TBC1D2B: variants seen among roughly 807,000 people sequenced by gnomAD.
TBC1D2B encodes the protein TBC1 domain family, member 2B.
In TBC1D2B, 64 loss-of-function variants were observed where a neutral mutation model predicts 100.8. That is an observed-to-expected ratio of 0.64 (90% CI 0.52 to 0.78). The LOEUF (loss-of-function observed/expected upper bound fraction) is 0.78, where lower values mean the gene tolerates loss of function less well. TBC1D2B is among the 30% of genes least tolerant of loss of function. TBC1D2B has a pLI of 0.00. For synonymous variants in TBC1D2B, 480 were observed against 479.7 expected (o/e 1.00, Z -0.01); for missense variants, 1,052 against 1,218.4 (o/e 0.86, Z 2.03).
intron 1 of TBC1D2B, among the ~76,000 whole-genome samples, chr15:78,070,317 G>A (rs1056330668): frequency 6.6e-6 from 1 of 151,880 alleles, no homozygotes; most frequent in Non-Finnish European, 1.5e-5. Flanking sequence ...GCTTCTTCAG[G>A]AAAGTCTTTC....
intron 3 of TBC1D2B, among the ~76,000 whole-genome samples, chr15:78,035,663 T>C (rs890644135): frequency 2.6e-5 from 4 of 152,236 alleles, no homozygotes; most frequent in African/African-American, 7.2e-5. Context: ...GCTGACTCAG[T>C]ATTTCCTCCT....
At chr15:78,038,133 T>A (rs2072992229) in intron 3 of TBC1D2B, among the ~76,000 whole-genome samples, 4 of 152,164 alleles carry the variant, frequency 2.6e-5, no homozygotes, top group Non-Finnish European at 5.9e-5. Flanking sequence ...GTCTGGAGCC[T>A]TCCCTCATCA....
chr15:78,019,587 T>A (rs1018895420), intron 6 of TBC1D2B, among the ~76,000 whole-genome samples: 5 of 152,022 alleles, frequency 3.3e-5, no homozygotes, highest in Non-Finnish European at 5.9e-5. Context: ...AGCTTTTTTT[T>A]TTTTAAAGAA....
At chr15:78,068,451 A>G (rs2073696657) in intron 1 of TBC1D2B, among the ~76,000 whole-genome samples, 1 of 151,814 alleles carries the variant, frequency 6.6e-6, no homozygotes, top group South Asian at 2.1e-4. Flanking sequence ...GCATGCATTT[A>G]GCCAACAAGC....
At chr15:78,046,037 T>C (rs932358609) in intron 2 of TBC1D2B, among the ~76,000 whole-genome samples, 1 of 152,184 alleles carries the variant, frequency 6.6e-6, no homozygotes, top group Non-Finnish European at 1.5e-5. Context: ...GTTCAAGCGA[T>C]TCTTCTGCCT....
At chr15:78,000,786 C>T (rs12442614) in intron 12 of TBC1D2B, among the ~76,000 whole-genome samples, 150,844 of 152,300 alleles carry the variant, frequency 0.99, 74,719 homozygotes, top group East Asian at 1. Context: ...GGAGGGTTCC[C>T]GAACACCTGG....
At chr15:78,046,156 T>C (rs1032245956) in intron 2 of TBC1D2B, among the ~76,000 whole-genome samples, 1 of 152,186 alleles carries the variant, frequency 6.6e-6, no homozygotes, top group Non-Finnish European at 1.5e-5. Flanking sequence ...GGTCGCGAAC[T>C]CCTGACCTCA....
rs551132598 is a variant in TBC1D2B, at chr15:78,066,561, T to C, written c.360+10732A>G. ...GGGACGAACCCCACAATCTGCATTT[T>C]AACAGAACCCAGGAGGAGTCTTTTC... On this transcript the variant is annotated intron_variant, in intron 1 of 12. Transcript: ENST00000300584. 2.4e-3 allele frequency among the ~76,000 whole-genome samples: 361 copies of C among 152,320 alleles called. 1 individual carries two copies. Among genetic ancestry groups the C allele is most frequent in the African/African-American group, 8.2e-3 (341 of 41,562 alleles).
intron 9 of TBC1D2B, among the ~76,000 whole-genome samples, chr15:78,010,166 G>A (rs1217454803): frequency 1.3e-5 from 2 of 152,172 alleles, no homozygotes; most frequent in Non-Finnish European, 1.5e-5. Flanking sequence ...GGCTGCAGAT[G>A]AGGGCACCCC....
intron 4 of TBC1D2B, among the ~76,000 whole-genome samples, chr15:78,026,365 G>C (rs1331997305): frequency 6.6e-6 from 1 of 152,064 alleles, no homozygotes; most frequent in Non-Finnish European, 1.5e-5. Context: ...ATAAAAACAA[G>C]TTTGGTCCCC....
At chr15:78,073,093 C>T (rs1433133444) in intron 1 of TBC1D2B, among the ~76,000 whole-genome samples, 1 of 152,198 alleles carries the variant, frequency 6.6e-6, no homozygotes, top group Non-Finnish European at 1.5e-5. Context: ...AGATACTACA[C>T]ATTTTAGACA....
At chr15:78,060,474 CAAAAA>C (rs33986857) in intron 1 of TBC1D2B, among the ~76,000 whole-genome samples, 3 of 134,776 alleles carry the variant, frequency 2.2e-5, no homozygotes, top group African/African-American at 2.8e-5. Flanking sequence ...CACATCACTA[CAAAAA>C]AAAAAAAAAA....
intron 2 of TBC1D2B, among the ~76,000 whole-genome samples, chr15:78,052,203 C>G (rs1253321084): frequency 2.6e-5 from 4 of 152,144 alleles, no homozygotes; most frequent in Non-Finnish European, 4.4e-5. Flanking sequence ...CATCTGACTC[C>G]CCTCCTCTCT....
intron 12 of TBC1D2B, chr15:77,998,560 G>T: frequency 1.9e-6 from 1 of 526,872 alleles, no homozygotes; most frequent in East Asian, 3.2e-5. Flanking sequence ...TCAGAATGAC[G>T]ACCTGGACTC....
At chr15:78,025,628 G>A in intron 4 of TBC1D2B, 131 bp from the exon 5 acceptor site, 1 of 597,846 alleles carries the variant, frequency 1.7e-6, no homozygotes, top group Non-Finnish European at 2.7e-6. Flanking sequence ...CCAGGTTCAT[G>A]CCATTCTCCT....
intron 8 of TBC1D2B, among the ~76,000 whole-genome samples, chr15:78,015,812 G>A (rs2072358351): frequency 6.6e-6 from 1 of 152,222 alleles, no homozygotes; most frequent in Non-Finnish European, 1.5e-5. Context: ...TAGTAAAGAT[G>A]GTGTTGGGTA....
intron 1 of TBC1D2B, among the ~76,000 whole-genome samples, chr15:78,056,800 A>C (rs1159027827): frequency 6.7e-6 from 1 of 148,886 alleles, no homozygotes; most frequent in African/African-American, 2.5e-5. Context: ...CCAGTCTGCC[A>C]AACCCCCAAC....
chr15:78,001,955 A>C lies in TBC1D2B; in HGVS notation c.2575-215T>G, dbSNP rs2071926837. The C allele has an allele frequency of 9.4e-6, 4 of 427,366 alleles. No individual in the cohort carries two copies. In the South Asian group the frequency reaches 1.4e-4, roughly 15 times the overall value. 26.5% of individuals were successfully genotyped at this position (427,366 alleles called of 1,614,324 possible). A position where few individuals can be genotyped will look rare whatever the true frequency, so the allele number is the denominator to read the frequency against. The stretch of plus-strand genomic sequence containing the variant: ...AAATAAACCCTGCTGGTTTTCAACA[A>C]CACATCAGCCCAAACCAAAAATCTC... On this transcript the variant is annotated intron_variant, in intron 11 of 12. Coordinates refer to ENST00000300584, the MANE Select transcript of TBC1D2B (RefSeq NM_144572.2).
chr15:78,068,719 A>T (rs905757050), intron 1 of TBC1D2B, among the ~76,000 whole-genome samples: 4 of 152,208 alleles, frequency 2.6e-5, no homozygotes, highest in Non-Finnish European at 5.9e-5. Flanking sequence ...ATGGCCTCAC[A>T]TATCTGAATG....
Sources: gnomAD v4.1 joint callset for allele counts (sites outside exome capture counted in the v4.1 genomes callset) on GRCh38, gnomAD v4.1.1 for gene constraint, MANE v1.5 for transcripts, NCBI Gene and HGNC (gene_info 2026-07-23, HGNC 2026-07-21) for gene names.